The following SMG7 variants were observed in gnomAD, a reference collection of about 807,000 sequenced individuals.
The protein encoded by SMG7 is nonsense-mediated mRNA decay factor SMG7.
Under a neutral mutation model 148.2 loss-of-function variants are expected in SMG7, and 34 were observed. The ratio of observed to expected loss-of-function variants is 0.23; its 90% confidence interval spans 0.17 to 0.31. The LOEUF (loss-of-function observed/expected upper bound fraction) is 0.31. SMG7 is among the 10% of genes least tolerant of loss of function. SMG7 has a pLI of 1.00. For missense variants in SMG7, 1,114 were observed against 1,408.4 expected, an observed-to-expected ratio of 0.79 and a Z score of 3.35; for synonymous variants, 492 against 515.1, an observed-to-expected ratio of 0.96 and a Z score of 0.61.
Position 183,533,314 on chromosome 1 carries a change from C to T in SMG7, c.994C>T (p.Leu332=). 1 of 1,613,438 alleles carries T rather than the reference C, an allele frequency of 6.2e-7. No individual in the cohort carries two copies. Among genetic ancestry groups the T allele is most frequent in the Non-Finnish European group, 8.5e-7 (1 of 1,179,692 alleles). ...QDEQLCWTQL[L]ALFMSFLGIL... ...TGAGCAGCTATGTTGGACACAGTTG[C>T]TGGCCCTCTTTAGTGAGTATTGAAT... The change falls in exon 9 of 23, where the codon CTG becomes TTG. Residue 332 remains leucine, a synonymous_variant. Transcript: ENST00000688051.
chr1:183,473,516 C>T (rs778533611), intron 1 of SMG7, among the ~76,000 whole-genome samples: 1 of 151,722 alleles, frequency 6.6e-6, no homozygotes, highest in African/African-American at 2.4e-5. Context: ...TACCTGATGG[C>T]GAGAACATAT....
At chr1:183,521,685 G>A (rs1009323648) in intron 4 of SMG7, among the ~76,000 whole-genome samples, 2 of 152,126 alleles carry the variant, frequency 1.3e-5, no homozygotes, top group African/African-American at 4.8e-5. Flanking sequence ...GGGTAACGTG[G>A]TGAGACCCTA....
intron 20 of SMG7, 108 bp from the exon 21 acceptor site, chr1:183,550,643 T>C: frequency 9.3e-7 from 1 of 1,075,734 alleles, no homozygotes; most frequent in Non-Finnish European, 1.4e-6. Flanking sequence ...CAAAGCCCTG[T>C]GGTTATTGTT....
rs1293405361 is a variant in SMG7, at chr1:183,472,649, G to A, written c.29G>A (p.Arg10Gln). Residue 10 changes from arginine to glutamine, a missense_variant and splice_region_variant, in exon 1 of 23, where the codon CGG (arginine) becomes CAG (glutamine). By Grantham distance (43) the Arg-to-Gln change is conservative. This residue lies in a region of SMG7 where 216 missense variants were observed against 329.1 expected (regional missense o/e 0.66). Transcript: ENST00000688051. ...AGCCTGCAGAGCGCGCAGTACCTCC[G>A]GTGAGTGCCGAGGCCGGGCTGGTAC... MSLQSAQYL[R>Q]QAEVLKADMT... 1 of 1,473,368 alleles carries A rather than the reference G, an allele frequency of 6.8e-7. No homozygotes were observed. The highest frequency in any genetic ancestry group is 2.2e-5 in the Admixed American group (1 of 44,688). 91.3% of individuals were successfully genotyped at this position (1,473,368 alleles called of 1,614,324 possible).
In SMG7 at chr1:183,552,547, A is replaced by T. The variant is rs1208750929; in HGVS notation, c.*616A>T. On this transcript the variant is annotated 3_prime_UTR_variant, in exon 23 of 23. Coordinates refer to ENST00000688051, the MANE Select transcript of SMG7 (RefSeq NM_001375584.1). ...GGAACCGACCTCTTCAGCCAGTGGA[A>T]ATGTTCCATAAGGGAGAGTTCAAGG... is the stretch of plus-strand genomic sequence containing the variant. 4.0e-6 allele frequency: 4 copies of T among 1,003,304 alleles called. No homozygotes were observed. Among genetic ancestry groups the T allele is most frequent in the Non-Finnish European group, 4.8e-6 (4 of 840,218 alleles). 62.2% of individuals were successfully genotyped at this position (1,003,304 alleles called of 1,614,324 possible).
Position 183,491,363 on chromosome 1 carries a change from T to C in SMG7, c.29+18714T>C, listed in dbSNP as rs552593602. Among the ~76,000 whole-genome samples the C allele has an allele frequency of 3.3e-5, 5 of 152,358 alleles. No individual in the cohort carries two copies. The South Asian group carries it at 1.0e-3, about 32-fold the overall frequency. On this transcript the variant is annotated intron_variant, in intron 1 of 22. Coordinates refer to ENST00000688051, the MANE Select transcript of SMG7 (RefSeq NM_001375584.1). ...ATCCATTCAGCTTTTGATGAACCTT[T>C]AGGTTGTTTCTAATTTTTTGCTATT...
rs544615078 is a variant in SMG7, at chr1:183,541,134, T to A, written c.1415+31T>A. 4.2e-5 allele frequency: 67 copies of A among 1,605,100 alleles called. No homozygotes were observed. The East Asian group carries it at 1.5e-3, about 35-fold the overall frequency. Reference sequence around the variant, plus strand: ...TCTGGAACTTCTGGTCTACCCCTTTTTAACCACCTTTTTAGATAAACACAT... The same window carrying A: ...TCTGGAACTTCTGGTCTACCCCTTTATAACCACCTTTTTAGATAAACACAT... On this transcript the variant is annotated intron_variant, in intron 13 of 22. Coordinates refer to ENST00000688051, the MANE Select transcript of SMG7 (RefSeq NM_001375584.1).
chr1:183,499,048 T>G (rs1424316895), intron 1 of SMG7, among the ~76,000 whole-genome samples: 2 of 152,234 alleles, frequency 1.3e-5, no homozygotes, highest in East Asian at 3.8e-4. Context: ...CATTTAAGTT[T>G]CCTTCATGTC....
intron 1 of SMG7, chr1:183,473,015 C>T (rs532938711): frequency 2.7e-5 from 8 of 294,138 alleles, no homozygotes; most frequent in Non-Finnish European, 5.0e-5. Flanking sequence ...GTCTGATCCC[C>T]GTGGCAGGGG....
At chr1:183,486,688 C>T (rs1164121910) in intron 1 of SMG7, among the ~76,000 whole-genome samples, 2 of 152,108 alleles carry the variant, frequency 1.3e-5, no homozygotes, top group East Asian at 1.9e-4. Context: ...TGATTACAGG[C>T]GTGAGCCACC....
intron 12 of SMG7, among the ~76,000 whole-genome samples, 168 bp downstream of exon 12, chr1:183,538,608 C>T (rs929410516): frequency 5.9e-5 from 9 of 152,260 alleles, no homozygotes; most frequent in African/African-American, 1.9e-4. Flanking sequence ...GTGTATGTCA[C>T]GCCTTCAATT....
intron 4 of SMG7, among the ~76,000 whole-genome samples, chr1:183,520,686 A>T (rs1034182017): frequency 2.0e-5 from 3 of 152,210 alleles, no homozygotes; most frequent in African/African-American, 7.2e-5. Flanking sequence ...ATCTTGAAAA[A>T]TGATTCTTAA....
intron 21 of SMG7, 44 bp from the exon 22 acceptor site, chr1:183,551,001 T>C (rs1670945577): frequency 1.2e-6 from 2 of 1,613,820 alleles, no homozygotes; most frequent in Non-Finnish European, 1.7e-6. Flanking sequence ...TTGGCAGTGA[T>C]AGAACATCTT....
At chr1:183,517,509 C>T in intron 3 of SMG7, 179 bp from the exon 4 acceptor site, 3 of 649,474 alleles carry the variant, frequency 4.6e-6, no homozygotes, top group Admixed American at 4.6e-5. Context: ...GATTCTACTG[C>T]ATGTCTAGTC....
In SMG7 at chr1:183,550,993, G is replaced by T. The variant is rs557943917; in HGVS notation, c.3305-52G>T. 5 of 1,613,568 alleles carry T rather than the reference G, an allele frequency of 3.1e-6. No individual in the cohort carries two copies. The South Asian group carries it at 4.4e-5, about 14-fold the overall frequency. ...TATCCTTCCCTGGGGTCTGGCAATT[G>T]GCAGTGATAGAACATCTTCTTGAAT... On this transcript the variant is annotated intron_variant, in intron 21 of 22. Coordinates refer to ENST00000688051, the MANE Select transcript of SMG7 (RefSeq NM_001375584.1).
In SMG7 at chr1:183,550,843, T is replaced by C; in HGVS notation, c.3226T>C (p.Phe1076Leu). 6.2e-7 allele frequency: 1 copy of C among 1,614,140 alleles called. No homozygotes were observed. Among genetic ancestry groups the C allele is most frequent in the Non-Finnish European group, 8.5e-7 (1 of 1,179,978 alleles). Residue 1076 changes from phenylalanine to leucine, a missense_variant, in exon 21 of 23, where the codon TTC becomes CTC. Coordinates refer to ENST00000688051, the MANE Select transcript of SMG7 (RefSeq NM_001375584.1). ...AACACACAACCATAATTCTGTTCCA[T>C]TCTCCAATTTTGGACCCATTGGGAC... ...PPTHNHNSVP[F>L]SNFGPIGTPD...
chr1:183,547,994 CTCTT>C (rs1430165149), intron 18 of SMG7, among the ~76,000 whole-genome samples: 6 of 152,136 alleles, frequency 3.9e-5, no homozygotes, highest in South Asian at 2.1e-4. Flanking sequence ...TTTTTCCCCT[CTCTT>C]TATTACACCT....
chr1:183,531,210 A>G (rs982373461), intron 8 of SMG7, among the ~76,000 whole-genome samples: 4 of 152,100 alleles, frequency 2.6e-5, no homozygotes, highest in Non-Finnish European at 5.9e-5. Flanking sequence ...CAACATGTAT[A>G]CTTCAGTGTT....
chr1:183,476,976 G>A (rs1166103903), intron 1 of SMG7, among the ~76,000 whole-genome samples: 14 of 152,076 alleles, frequency 9.2e-5, no homozygotes. Context: ...TAGGCCGCAG[G>A]TGAGGTATAA....
Sources: allele counts gnomAD v4.1 joint callset (sites outside exome capture counted in the v4.1 genomes callset), GRCh38; gene constraint gnomAD v4.1.1; regional missense constraint gnomAD v4.1.1; transcripts MANE v1.5; gene names NCBI Gene and HGNC (gene_info 2026-07-23, HGNC 2026-07-21).